Variants in RPA1 observed in about 807,000 individuals in gnomAD.
RPA1 encodes replication protein A1, also known as replication protein A 70 kDa DNA-binding subunit.
Under a neutral mutation model 83.0 loss-of-function variants are expected in RPA1, and 49 were observed. The ratio of observed to expected loss-of-function variants is 0.59; its 90% confidence interval spans 0.47 to 0.75. The LOEUF (loss-of-function observed/expected upper bound fraction) is 0.75, where lower values mean the gene tolerates loss of function less well. RPA1 is among the 30% of genes least tolerant of loss of function. RPA1 has a pLI of 0.00. For synonymous variants in RPA1, 279 were observed against 281.8 expected (o/e 0.99, Z 0.10); for missense variants, 693 against 776.1 (o/e 0.89, Z 1.27).
chr17:1,897,384 C>T lies in RPA1; in HGVS notation c.*209C>T. ...TGGTTGTGGTGTAGACTGTGTCAGG[C>T]CTACGGAGTCAGCCAGTGGCTAGCG... On this transcript the variant is annotated 3_prime_UTR_variant, in exon 17 of 17. Coordinates refer to ENST00000254719, the MANE Select transcript of RPA1 (RefSeq NM_002945.5). 2 of 508,936 alleles carry T rather than the reference C, an allele frequency of 3.9e-6. No homozygotes were observed. The highest frequency in any genetic ancestry group is 6.9e-5 in the East Asian group (2 of 28,958). The allele number at this position is 508,936 out of a possible 1,614,324, so 31.5% of individuals were successfully genotyped here.
chr17:1,890,303 G>T (rs1914155973), intron 14 of RPA1, among the ~76,000 whole-genome samples: 1 of 152,140 alleles, frequency 6.6e-6, no homozygotes, highest in African/African-American at 2.4e-5. Flanking sequence ...GGTCAAGGCT[G>T]CAGTGAGCCA....
intron 16 of RPA1, among the ~76,000 whole-genome samples, chr17:1,895,661 ATTTATTTATTTAT>A (rs982957327): frequency 7.2e-5 from 2 of 27,686 alleles, no homozygotes; most frequent in Non-Finnish European, 2.5e-4. Context: ...ACCATATAGT[ATTTATTTATTTAT>A]TTATTTATTT....
chr17:1,862,412 A>ATATTTATTTATTTATT (rs59213671), intron 5 of RPA1, among the ~76,000 whole-genome samples: 14 of 149,030 alleles, frequency 9.4e-5, no homozygotes, highest in East Asian at 4.0e-4. Flanking sequence ...GATTAGCTCA[A>ATATTTATTTATTTATT]TATTTATTTA....
intron 5 of RPA1, among the ~76,000 whole-genome samples, chr17:1,864,259 G>A (rs1865271077): frequency 6.6e-6 from 1 of 152,184 alleles, no homozygotes; most frequent in South Asian, 2.1e-4. Flanking sequence ...AATATATGCG[G>A]GGCATAGTGG....
At chr17:1,868,357 G>A (rs1913259953) in intron 5 of RPA1, among the ~76,000 whole-genome samples, 1 of 152,170 alleles carries the variant, frequency 6.6e-6, no homozygotes, top group Non-Finnish European at 1.5e-5. Context: ...TGTGCTAGCG[G>A]GTGGAGAACT....
At chr17:1,873,766 A>T (rs977375647) in intron 6 of RPA1, among the ~76,000 whole-genome samples, 8 of 151,794 alleles carry the variant, frequency 5.3e-5, no homozygotes, top group Admixed American at 1.3e-4. Flanking sequence ...AGGTGGACGG[A>T]TCACTTGAGG....
intron 5 of RPA1, among the ~76,000 whole-genome samples, chr17:1,854,931 T>C (rs941265509): frequency 6.6e-6 from 1 of 152,210 alleles, no homozygotes; most frequent in Non-Finnish European, 1.5e-5. Context: ...GTTATCTTTG[T>C]CTTGTTCCTG....
At position 1,871,657 on chromosome 17, in the gene RPA1, GTT is replaced by G. The variant is rs575419074; in HGVS notation, c.362-774_362-773del. 2.7e-3 allele frequency among the ~76,000 whole-genome samples: 412 copies of G among 152,322 alleles called. 1 individual carries two copies. The highest frequency in any genetic ancestry group is 9.5e-3 in the African/African-American group (395 of 41,576). Reference sequence around the variant, plus strand: ...TTCACAAAATGAGGCATATTTTACAGTTTTAACATTCTTCAGCTCCATCAACA... The same window carrying G: ...TTCACAAAATGAGGCATATTTTACAGTTAACATTCTTCAGCTCCATCAACA... On this transcript the variant is annotated intron_variant, in intron 5 of 16. Coordinates refer to ENST00000254719, the MANE Select transcript of RPA1 (RefSeq NM_002945.5).
At chr17:1,853,237 A>G (rs1173197868) in intron 5 of RPA1, 48 bp downstream of exon 5, 5 of 1,358,670 alleles carry the variant, frequency 3.7e-6, no homozygotes, top group South Asian at 2.4e-5. Context: ...ATACCTCTTT[A>G]TATATTCGGA....
intron 5 of RPA1, among the ~76,000 whole-genome samples, chr17:1,861,533 T>A (rs1912969871): frequency 6.6e-6 from 1 of 152,192 alleles, no homozygotes; most frequent in South Asian, 2.1e-4. Context: ...CAAAACAGCA[T>A]TCTCCTGCCT....
At chr17:1,863,407 T>C (rs1279705423) in intron 5 of RPA1, among the ~76,000 whole-genome samples, 1 of 151,914 alleles carries the variant, frequency 6.6e-6, no homozygotes, top group Non-Finnish European at 1.5e-5. Context: ...GAGACGGCGT[T>C]TCACCACGTT....
At chr17:1,843,200 A>T (rs1912122672) in intron 2 of RPA1, among the ~76,000 whole-genome samples, 1 of 151,322 alleles carries the variant, frequency 6.6e-6, no homozygotes, top group Non-Finnish European at 1.5e-5. Context: ...TATATCTAGT[A>T]TGAACTTGTC....
intron 5 of RPA1, among the ~76,000 whole-genome samples, chr17:1,869,506 C>G (rs866857042): frequency 7.3e-5 from 11 of 151,426 alleles, no homozygotes; most frequent in Middle Eastern, 3.2e-3. Flanking sequence ...CCGTTGCACT[C>G]CAGCCTGGGT....
chr17:1,836,362 G>A (rs1911822089), intron 1 of RPA1, among the ~76,000 whole-genome samples: 1 of 152,030 alleles, frequency 6.6e-6, no homozygotes, highest in South Asian at 2.1e-4. Flanking sequence ...CTCCTGCCTT[G>A]GCCTTCCAAA....
At chr17:1,888,188 A>C (rs1914064798) in intron 13 of RPA1, among the ~76,000 whole-genome samples, 1 of 152,178 alleles carries the variant, frequency 6.6e-6, no homozygotes, top group Non-Finnish European at 1.5e-5. Flanking sequence ...TCCCTGGCCT[A>C]AACAAGGAAA....
intron 1 of RPA1, among the ~76,000 whole-genome samples, chr17:1,832,639 G>A (rs1054977791): frequency 3.3e-5 from 5 of 152,020 alleles, no homozygotes; most frequent in African/African-American, 7.2e-5. Context: ...CACCTGCTTC[G>A]GCCTCCCAGA....
At chr17:1,839,529 C>A (rs1032497362) in intron 1 of RPA1, among the ~76,000 whole-genome samples, 1 of 150,446 alleles carries the variant, frequency 6.6e-6, no homozygotes, top group Non-Finnish European at 1.5e-5. Context: ...TTTCACTATG[C>A]TGGCTGGGCT....
At chr17:1,892,181 AT>A (rs1597461678) in intron 15 of RPA1, among the ~76,000 whole-genome samples, 1 of 151,884 alleles carries the variant, frequency 6.6e-6, no homozygotes, top group African/African-American at 2.4e-5. Context: ...TAGTTTTTGT[AT>A]TTTTAGTAGA....
At chr17:1,871,308 C>T (rs1051517734) in intron 5 of RPA1, among the ~76,000 whole-genome samples, 2 of 152,188 alleles carry the variant, frequency 1.3e-5, no homozygotes, top group African/African-American at 4.8e-5. Context: ...TCTAATGGCA[C>T]AACCACCTCT....
Sources: gnomAD v4.1 joint callset for allele counts (sites outside exome capture counted in the v4.1 genomes callset) on GRCh38, gnomAD v4.1.1 for gene constraint, MANE v1.5 for transcripts, NCBI Gene and HGNC (gene_info 2026-07-23, HGNC 2026-07-21) for gene names.